NUCB1: variants seen among roughly 807,000 people sequenced by gnomAD.
NUCB1 encodes the protein nucleobindin-1.
NUCB1 carries 47 observed loss-of-function variants against 61.2 expected under a neutral mutation model. The ratio of observed to expected loss-of-function variants is 0.77; its 90% CI spans 0.61 to 0.98. The LOEUF is 0.98. Ranked by LOEUF, NUCB1 falls within the 50% of genes least tolerant of loss-of-function variation. The probability of loss-of-function intolerance (pLI) is 0.00; values close to 1 mark genes in which losing one functional copy is unlikely to be tolerated. For missense variants in NUCB1, 583 were observed against 605.3 expected (o/e 0.96, Z 0.39); for synonymous variants, 234 against 243.1 (o/e 0.96, Z 0.35).
Position 48,900,792 on chromosome 19 carries a change from C to T in NUCB1, c.-5C>T. 6.2e-7 allele frequency: 1 copy of T among 1,613,738 alleles called. No homozygotes were observed. Among genetic ancestry groups the T allele is most frequent in the Non-Finnish European group, 8.5e-7 (1 of 1,179,932 alleles). On this transcript the variant is annotated 5_prime_UTR_variant, in exon 2 of 13. Coordinates refer to ENST00000405315, the MANE Select transcript of NUCB1 (RefSeq NM_006184.6). The stretch of plus-strand genomic sequence containing the variant: ...AGCCCTCCATCCCCCACAGACCACA[C>T]TGCCATGCCTCCCTCTGGGCCCCGA...
chr19:48,918,867 CT>C, intron 8 of NUCB1, 83 bp downstream of exon 8: 1 of 1,409,408 alleles, frequency 7.1e-7, no homozygotes, highest in Admixed American at 1.8e-5. Context: ...TTAAATCCCC[CT>C]GGATGGGAGC....
At chr19:48,918,689 G>C (rs1330016237) in intron 7 of NUCB1, 37 bp from the exon 8 acceptor site, 11 of 1,572,772 alleles carry the variant, frequency 7.0e-6, no homozygotes, top group Non-Finnish European at 9.6e-6. Flanking sequence ...TCCCGTCCTC[G>C]GTCCCCTGAG....
chr19:48,917,806 C>CT (rs60037055), intron 7 of NUCB1, among the ~76,000 whole-genome samples: 3,574 of 139,202 alleles, frequency 0.026, 83 homozygotes, highest in African/African-American at 0.057. Flanking sequence ...CAATTTTTTA[C>CT]TTTTTTTTTT....
At chr19:48,910,672 CAAAA>C (rs57061784) in intron 4 of NUCB1, among the ~76,000 whole-genome samples, 1 of 106,480 alleles carries the variant, frequency 9.4e-6, no homozygotes, top group Non-Finnish European at 2.0e-5. Flanking sequence ...AACCCTGTCT[CAAAA>C]AAAAAAAAAA....
chr19:48,911,400 C>CTT, intron 5 of NUCB1, 148 bp downstream of exon 5: 1 of 397,162 alleles, frequency 2.5e-6, no homozygotes, highest in Admixed American at 4.4e-5. Context: ...CGTTTCTTTT[C>CTT]TTTTCTTTTT....
intron 2 of NUCB1, chr19:48,901,224 A>T (rs1356850550): frequency 3.7e-6 from 2 of 545,958 alleles, no homozygotes; most frequent in Non-Finnish European, 6.7e-6. Flanking sequence ...TACATTTCCC[A>T]GTAGCACCAT....
chr19:48,912,260 G>A (rs902584680), intron 5 of NUCB1, among the ~76,000 whole-genome samples: 4 of 151,778 alleles, frequency 2.6e-5, no homozygotes, highest in Admixed American at 6.6e-5. Flanking sequence ...TCCCGGGCTC[G>A]AGTGATCCTC....
At chr19:48,918,523 C>T (rs2122205065) in intron 7 of NUCB1, 2 of 602,594 alleles carry the variant, frequency 3.3e-6, no homozygotes, top group African/African-American at 1.8e-5. Flanking sequence ...ATTCCATTCT[C>T]AACCCCCTGG....
Position 48,922,938 on chromosome 19 carries a change from C to A in NUCB1, c.*514C>A, listed in dbSNP as rs1011739770. On this transcript the variant is annotated 3_prime_UTR_variant, in exon 13 of 13. Coordinates refer to ENST00000405315, the MANE Select transcript of NUCB1 (RefSeq NM_006184.6). ...CCAGTGATGCCTCAAAGACAGTGTCCCCTCCACAGCTGGGTGCCAGGGGCA... is the reference window on the plus strand; with the variant it reads ...CCAGTGATGCCTCAAAGACAGTGTCACCTCCACAGCTGGGTGCCAGGGGCA... 6.5e-5 allele frequency: 10 copies of A among 153,212 alleles called. No homozygotes were observed. The highest frequency in any genetic ancestry group is 2.4e-4 in the African/African-American group (10 of 41,570). The allele number at this position is 153,212 out of a possible 1,614,324, so 9.5% of individuals were successfully genotyped here.
At chr19:48,906,113 T>C (rs1039521551) in intron 4 of NUCB1, among the ~76,000 whole-genome samples, 1 of 152,130 alleles carries the variant, frequency 6.6e-6, no homozygotes, top group African/African-American at 2.4e-5. Flanking sequence ...TTTTTAAAAA[T>C]CTTTATCATG....
intron 4 of NUCB1, among the ~76,000 whole-genome samples, chr19:48,908,616 C>T (rs934678767): frequency 4.0e-5 from 6 of 149,772 alleles, no homozygotes; most frequent in African/African-American, 1.5e-4. Context: ...GCTGCCTCCA[C>T]TGCAGCCTAG....
At chr19:48,900,993 C>G (rs2037348557) in intron 2 of NUCB1, 62 bp downstream of exon 2, 2 of 1,598,822 alleles carry the variant, frequency 1.3e-6, no homozygotes, top group Non-Finnish European at 1.7e-6. Context: ...CTCCTGCAGA[C>G]CCCGGTGCCC....
chr19:48,900,638 G>A, intron 1 of NUCB1, 148 bp from the exon 2 acceptor site: 1 of 1,078,352 alleles, frequency 9.3e-7, no homozygotes, highest in Non-Finnish European at 1.3e-6. Context: ...AAGGCCGGAG[G>A]CCTGGAATCC....
chr19:48,918,179 C>T (rs2037562220), intron 7 of NUCB1, among the ~76,000 whole-genome samples: 1 of 152,074 alleles, frequency 6.6e-6, no homozygotes, highest in South Asian at 2.1e-4. Context: ...AAGTCAGATG[C>T]AGGTGGAAAT....
intron 7 of NUCB1, among the ~76,000 whole-genome samples, chr19:48,916,563 T>C (rs755466342): frequency 1.3e-5 from 2 of 151,612 alleles, no homozygotes; most frequent in African/African-American, 2.4e-5. Flanking sequence ...AAGGCTGCAG[T>C]GAGCTATGAT....
intron 4 of NUCB1, among the ~76,000 whole-genome samples, chr19:48,908,234 G>A (rs759959845): frequency 8.5e-5 from 13 of 152,052 alleles, no homozygotes; most frequent in Non-Finnish European, 1.6e-4. Flanking sequence ...AGGTTCAAGC[G>A]ATTCTCCTGC....
intron 1 of NUCB1, 170 bp downstream of exon 1, chr19:48,900,542 C>T (rs2037342413): frequency 1.8e-6 from 1 of 558,052 alleles, no homozygotes; most frequent in Non-Finnish European, 3.2e-6. Context: ...CGGCCGAGAT[C>T]CCGGATTCCT....
intron 7 of NUCB1, among the ~76,000 whole-genome samples, chr19:48,916,387 G>A (rs2037540326): frequency 6.6e-6 from 1 of 152,190 alleles, no homozygotes; most frequent in Non-Finnish European, 1.5e-5. Context: ...GGAGGCCGAG[G>A]TGGGTGGATC....
chr19:48,912,853 A>AG lies in NUCB1; in HGVS notation c.481-158_481-157insG, dbSNP rs2037491071. On this transcript the variant is annotated intron_variant, in intron 5 of 12. Transcript: ENST00000405315. Reference sequence around the variant, plus strand: ...AGCAAGACTCCCTCTCAAAAAAAAAAAAAAAAAAAGGGACATTAGGACACG... The same window carrying AG: ...AGCAAGACTCCCTCTCAAAAAAAAAAGAAAAAAAAAGGGACATTAGGACACG... Among the ~76,000 whole-genome samples the AG allele has an allele frequency of 1.3e-5, 2 of 151,528 alleles. 1 individual carries two copies. Among genetic ancestry groups the AG allele is most frequent in the Non-Finnish European group, 2.9e-5 (2 of 67,882 alleles).
Sources: allele counts gnomAD v4.1 joint callset (sites outside exome capture counted in the v4.1 genomes callset), GRCh38; gene constraint gnomAD v4.1.1; transcripts MANE v1.5; gene names NCBI Gene and HGNC (gene_info 2026-07-23, HGNC 2026-07-21).